RBBP8: variants seen among roughly 807,000 people sequenced by gnomAD.
The protein encoded by RBBP8 is RB binding protein 8, endonuclease, also known as DNA endonuclease RBBP8.
In RBBP8, 88 loss-of-function variants were observed where a neutral mutation model predicts 108.3. The ratio of observed to expected loss-of-function variants is 0.81; its 90% CI spans 0.68 to 0.97. RBBP8 has a LOEUF of 0.97. Among genes scored for constraint, RBBP8 ranks in the 50% least tolerant of loss-of-function variants. The pLI is 0.00. For missense variants in RBBP8, 1,023 were observed against 1,049.0 expected (o/e 0.98, Z 0.34); for synonymous variants, 332 against 348.2 (o/e 0.95, Z 0.52).
At chr18:22,965,427 G>T (rs1468700107) in intron 4 of RBBP8, among the ~76,000 whole-genome samples, 2 of 152,046 alleles carry the variant, frequency 1.3e-5, no homozygotes, top group Admixed American at 6.6e-5. Flanking sequence ...GGTCTTTCCT[G>T]TCAGGTTGGT....
chr18:22,932,227 A>G (rs1403846264), upstream of RBBP8, among the ~76,000 whole-genome samples: 2 of 152,216 alleles, frequency 1.3e-5, no homozygotes, highest in Non-Finnish European at 1.5e-5. Context: ...ACCACAGCAC[A>G]CTGCTCTTTC....
chr18:23,010,135 T>C (rs1047370660), intron 16 of RBBP8, among the ~76,000 whole-genome samples: 2 of 152,192 alleles, frequency 1.3e-5, no homozygotes, highest in Non-Finnish European at 2.9e-5. Context: ...TCTTTTTAGC[T>C]CCATAGTACT....
intron 17 of RBBP8, among the ~76,000 whole-genome samples, chr18:23,017,517 G>T (rs2046279485): frequency 6.6e-6 from 1 of 151,034 alleles, no homozygotes; most frequent in African/African-American, 2.4e-5. Context: ...AGCCAGGCAT[G>T]GTGGCGGGCG....
At chr18:22,946,716 T>C (rs1911596676) in intron 3 of RBBP8, among the ~76,000 whole-genome samples, 1 of 152,136 alleles carries the variant, frequency 6.6e-6, no homozygotes, top group African/African-American at 2.4e-5. Flanking sequence ...GCCTTAATTA[T>C]GTATGTTTAT....
chr18:22,964,961 G>T (rs1339784630), intron 4 of RBBP8, among the ~76,000 whole-genome samples: 1 of 151,922 alleles, frequency 6.6e-6, no homozygotes, highest in Non-Finnish European at 1.5e-5. Flanking sequence ...TAAAAGAAAT[G>T]ACCTACAGCA....
At chr18:22,963,897 A>G (rs1290362450) in intron 4 of RBBP8, among the ~76,000 whole-genome samples, 2 of 152,080 alleles carry the variant, frequency 1.3e-5, no homozygotes, top group African/African-American at 4.8e-5. Context: ...ACCTTGTCTC[A>G]AAAAAAGAGT....
chr18:22,935,638 CA>C (rs1427023450), intron 1 of RBBP8, among the ~76,000 whole-genome samples: 5 of 152,178 alleles, frequency 3.3e-5, no homozygotes, highest in Non-Finnish European at 5.9e-5. Context: ...TAGCAGGAAA[CA>C]ATCAGTTTGC....
At chr18:22,968,183 C>G (rs997567130) in intron 4 of RBBP8, among the ~76,000 whole-genome samples, 1 of 151,866 alleles carries the variant, frequency 6.6e-6, no homozygotes, top group Non-Finnish European at 1.5e-5. Flanking sequence ...AGCGATTCTT[C>G]TGCCTCAGCC....
rs551001093 is a variant in RBBP8 at position 22,924,765 on chromosome 18, A to G, written c.-153-4618A>G. Among the ~76,000 whole-genome samples the G allele has an allele frequency of 2.6e-5, 4 of 152,296 alleles. No homozygotes were observed. The South Asian group carries it at 8.3e-4, about 32-fold the overall frequency. On this transcript the variant is annotated intron_variant, in intron 3 of 4. Transcript: ENST00000577588. ...AGTCATCCAAACCAGGATGTTTTTT[A>G]AAGTAAAAGTGAGCTGTATTAATAA...
Position 22,996,389 on chromosome 18 carries a change from A to T in RBBP8, c.1955A>T (p.Asn652Ile). 1 of 1,613,656 alleles carries T rather than the reference A, an allele frequency of 6.2e-7. No homozygotes were observed. Among genetic ancestry groups the T allele is most frequent in the Non-Finnish European group, 8.5e-7 (1 of 1,179,874 alleles). Reference sequence around the variant, plus strand: ...TTTACCTAAGATGTATCCTTTGAAAATATCCAGTGGAGTATAGATCCGGGA... The same window carrying T: ...TTTACCTAAGATGTATCCTTTGAAATTATCCAGTGGAGTATAGATCCGGGA... ...LQNNQDVSFE[N>I]IQWSIDPGAD... Residue 652 changes from asparagine (N) to isoleucine (I), a missense_variant, in exon 13 of 19, where the codon AAT becomes ATT. Asn to Ile is a moderately radical substitution (Grantham distance 149). Transcript: ENST00000327155.
intron 17 of RBBP8, 27 bp from the exon 18 acceptor site, chr18:23,022,101 GA>G: frequency 6.5e-7 from 1 of 1,541,118 alleles, no homozygotes; most frequent in Non-Finnish European, 9.0e-7. Flanking sequence ...ATTCTTTAGT[GA>G]AAAAACTTAC....
chr18:22,934,144 G>A (rs1221500283), intron 1 of RBBP8: 2 of 152,230 alleles, frequency 1.3e-5, no homozygotes, highest in Non-Finnish European at 2.9e-5. Context: ...TTTGAGCCCA[G>A]AATGCAACTT....
At chr18:22,986,424 C>T (rs1915330403) in intron 8 of RBBP8, among the ~76,000 whole-genome samples, 1 of 152,080 alleles carries the variant, frequency 6.6e-6, no homozygotes, top group African/African-American at 2.4e-5. Context: ...TGAGATCGGT[C>T]TCATGTTCAA....
intron 16 of RBBP8, among the ~76,000 whole-genome samples, chr18:23,010,991 G>T (rs982496791): frequency 6.6e-6 from 1 of 152,168 alleles, no homozygotes; most frequent in Admixed American, 6.5e-5. Context: ...AATCTTAGGA[G>T]TCCATAAACT....
In RBBP8 at chr18:22,944,831, G is replaced by A. The variant is rs1252750317; in HGVS notation, c.110-1613G>A. ...CTGGCAATAAATCATTACTATGGAGGGCAATAAGAAGAGATGACTTCTTCT... is the reference window on the plus strand; with the variant it reads ...CTGGCAATAAATCATTACTATGGAGAGCAATAAGAAGAGATGACTTCTTCT... On this transcript the variant is annotated intron_variant, in intron 2 of 18. Coordinates refer to ENST00000327155, the MANE Select transcript of RBBP8 (RefSeq NM_002894.3). Among the ~76,000 whole-genome samples the A allele has an allele frequency of 2.6e-5, 4 of 152,092 alleles. No individual in the cohort carries two copies. The East Asian group carries it at 5.8e-4, about 22-fold the overall frequency.
At chr18:22,929,487 T>TGGGG (rs1480997443), upstream of RBBP8, 1 of 32,212 alleles carries the variant, frequency 3.1e-5, no homozygotes, top group African/African-American at 5.9e-5. Flanking sequence ...TGTGTGTGTG[T>TGGGG]GTGTGTGTGT....
At chr18:22,947,512 T>G (rs1417066000) in intron 3 of RBBP8, among the ~76,000 whole-genome samples, 2 of 152,090 alleles carry the variant, frequency 1.3e-5, no homozygotes, top group African/African-American at 4.8e-5. Context: ...ACCCAGCTTC[T>G]TATGCCAGTT....
chr18:23,001,484 G>A (rs2045945975), intron 14 of RBBP8, 102 bp from the exon 15 acceptor site: 1 of 1,309,580 alleles, frequency 7.6e-7, no homozygotes, highest in African/African-American at 1.5e-5. Flanking sequence ...TGTCTTTAAG[G>A]ACTGCATTCT....
intron 3 of RBBP8, among the ~76,000 whole-genome samples, chr18:22,922,054 A>G (rs538768874): frequency 6.6e-6 from 1 of 152,264 alleles, no homozygotes; most frequent in South Asian, 2.1e-4. Context: ...ATTCATTATA[A>G]CCTATAATGT....
Sources: allele counts gnomAD v4.1 joint callset (sites outside exome capture counted in the v4.1 genomes callset), GRCh38; gene constraint gnomAD v4.1.1; transcripts MANE v1.5; gene names NCBI Gene and HGNC (gene_info 2026-07-23, HGNC 2026-07-21).